Variants in TTLL4 observed in about 807,000 individuals in gnomAD.
The protein encoded by TTLL4 is tubulin tyrosine ligase like 4.
Under a neutral mutation model 122.7 loss-of-function variants are expected in TTLL4, and 85 were observed. That is an observed-to-expected ratio of 0.69 (90% CI 0.58 to 0.83). The LOEUF (loss-of-function observed/expected upper bound fraction) is 0.83, where lower values mean the gene tolerates loss of function less well. Among genes scored for constraint, TTLL4 ranks in the 40% least tolerant of loss-of-function variants. The pLI is 0.00. For synonymous variants in TTLL4, 553 were observed against 563.0 expected (o/e 0.98, Z 0.25); for missense variants, 1,363 against 1,488.6 (o/e 0.92, Z 1.39).
rs1386677291 is a variant in TTLL4, at chr2:218,749,476, T to G, written c.2735+89T>G. 3.3e-6 allele frequency: 5 copies of G among 1,536,152 alleles called. No individual in the cohort carries two copies. In the East Asian group the frequency reaches 9.0e-5, roughly 28 times the overall value. The stretch of plus-strand genomic sequence containing the variant: ...ACTCCAGTAAGTTGTTCTTTTTTTT[T>G]TTTTTTCTTTGAGATGGAGTCTCGC... On this transcript the variant is annotated intron_variant, in intron 14 of 19. Transcript: ENST00000392102.
intron 6 of TTLL4, 106 bp downstream of exon 6, chr2:218,745,339 G>C (rs1193659672): frequency 6.2e-6 from 9 of 1,452,456 alleles, no homozygotes; most frequent in Non-Finnish European, 7.6e-6. Flanking sequence ...CAGAATGGCT[G>C]TTGTGGCAGT....
chr2:218,747,569 A>G lies in TTLL4; in HGVS notation c.2250-28A>G, dbSNP rs745719707. The G allele has an allele frequency of 5.6e-6, 9 of 1,611,862 alleles. No homozygotes were observed. The highest frequency in any genetic ancestry group is 1.7e-5 in the Admixed American group (1 of 59,818). ...CCACTGAGCCCCATCATCTGGCTGT[A>G]TGAGAAGCTGGCCTTTGTCCTATGT... On this transcript the variant is annotated intron_variant, in intron 10 of 19. Coordinates refer to ENST00000392102, the MANE Select transcript of TTLL4 (RefSeq NM_014640.5). This position sits in a 1 kb window ranked among gnomAD's most constrained non-coding sequence, Gnocchi z 4.7.
At chr2:218,750,289 A>G (rs1381696581) in intron 15 of TTLL4, 143 bp downstream of exon 15, 2 of 1,145,346 alleles carry the variant, frequency 1.7e-6, no homozygotes, top group East Asian at 2.6e-5. Flanking sequence ...CTAACATGCT[A>G]CCATGCCACA....
At chr2:218,743,907 A>C (rs1942772771) in intron 5 of TTLL4, among the ~76,000 whole-genome samples, 2 of 152,200 alleles carry the variant, frequency 1.3e-5, no homozygotes, top group South Asian at 4.2e-4. Context: ...TCCAACTCCC[A>C]ACCTCGGGTG....
At chr2:218,737,005 A>G (rs1942542680) in intron 2 of TTLL4, among the ~76,000 whole-genome samples, 1 of 152,094 alleles carries the variant, frequency 6.6e-6, no homozygotes, top group South Asian at 2.1e-4. Context: ...GCACGCCACA[A>G]TGCCTAGCTA....
chr2:218,750,253 C>G, intron 15 of TTLL4, 107 bp downstream of exon 15: 1 of 1,468,390 alleles, frequency 6.8e-7, no homozygotes, highest in Non-Finnish European at 9.1e-7. Flanking sequence ...GTTCCCCTTG[C>G]TGCTCAATCT....
chr2:218,753,778 G>T, intron 19 of TTLL4, 109 bp downstream of exon 19: 1 of 1,228,634 alleles, frequency 8.1e-7, no homozygotes, highest in Non-Finnish European at 1.2e-6. Context: ...TCCAGCTGGG[G>T]GTTGGTGGGA....
downstream of TTLL4, among the ~76,000 whole-genome samples, chr2:218,757,545 G>A (rs1208871461): frequency 6.6e-6 from 1 of 152,144 alleles, no homozygotes; most frequent in Non-Finnish European, 1.5e-5. Flanking sequence ...GGAGAAGCAG[G>A]GTACAGAAAA....
intron 2 of TTLL4, among the ~76,000 whole-genome samples, chr2:218,735,638 G>A (rs1942496571): frequency 1.3e-5 from 2 of 151,644 alleles, no homozygotes; most frequent in South Asian, 2.1e-4. Flanking sequence ...TGATGAGAAT[G>A]TCAGGATTCC....
At chr2:218,734,547 A>C (rs1216232616) in intron 2 of TTLL4, among the ~76,000 whole-genome samples, 1 of 152,172 alleles carries the variant, frequency 6.6e-6, no homozygotes, top group Non-Finnish European at 1.5e-5. Context: ...GTCATGTTGC[A>C]GCTGATTTTT....
At chr2:218,751,539 T>A in intron 15 of TTLL4, 165 bp from the exon 16 acceptor site, 1 of 896,494 alleles carries the variant, frequency 1.1e-6, no homozygotes, top group Non-Finnish European at 1.3e-6. Flanking sequence ...TCAGGTTACT[T>A]CTGGGGAGTG....
At position 218,739,993 on chromosome 2, in the gene TTLL4, T is replaced by C. The variant is rs918123814; in HGVS notation, c.1488-65T>C. ...CAAATACTGGGAGATGATGAAGGAA[T>C]GAGAATCTAACTGTGACCTCTTTGA... is the stretch of plus-strand genomic sequence containing the variant. On this transcript the variant is annotated intron_variant, in intron 3 of 19. Coordinates refer to ENST00000392102, the MANE Select transcript of TTLL4 (RefSeq NM_014640.5). The C allele has an allele frequency of 3.3e-5, 47 of 1,440,320 alleles. No homozygotes were observed. In the African/African-American group the frequency reaches 5.1e-4, roughly 16 times the overall value. The allele number at this position is 1,440,320 out of a possible 1,614,324, so 89.2% of individuals were successfully genotyped here.
At position 218,753,179 on chromosome 2, in the gene TTLL4, TCCAGTGGTGAGTGCTG is replaced by T; in HGVS notation, c.3258+1_3258+16del. ...ACATGGGAGTTGTCTCTGATTCTGC[TCCAGTGGTGAGTGCTG>T]CCAGTGTGGAGGACAGCTCCTTCTC... is the stretch of plus-strand genomic sequence containing the variant. On this transcript the variant is annotated splice_donor_variant and splice_donor_5th_base_variant and coding_sequence_variant and intron_variant, in exon 18 of 20. Coordinates refer to ENST00000392102, the MANE Select transcript of TTLL4 (RefSeq NM_014640.5). LOFTEE classifies it high-confidence loss of function. 1 of 1,614,156 alleles carries T rather than the reference TCCAGTGGTGAGTGCTG, an allele frequency of 6.2e-7. No homozygotes were observed. The highest frequency in any genetic ancestry group is 8.5e-7 in the Non-Finnish European group (1 of 1,180,020).
At chr2:218,721,547 TG>T (rs965309099) in intron 1 of TTLL4, among the ~76,000 whole-genome samples, 8 of 152,326 alleles carry the variant, frequency 5.3e-5, no homozygotes, top group African/African-American at 1.9e-4. Flanking sequence ...TGGTGGCCTC[TG>T]GAGCATTCCT....
chr2:218,753,221 AG>A (rs1181686255), intron 18 of TTLL4, 36 bp downstream of exon 18: 2 of 1,611,358 alleles, frequency 1.2e-6, no homozygotes, highest in Non-Finnish European at 1.7e-6. Flanking sequence ...GCTCCTTCTC[AG>A]GCCCCTCCCT....
At position 218,755,284 on chromosome 2, in the gene TTLL4, G is replaced by A. The variant is rs1024958279; in HGVS notation, c.*895G>A. ...TGCTGTGCAGCAAGCAGGGTCTGGCGGCTTGGTAGGTGGGTTTCAGGAGCA... is the reference window on the plus strand; with the variant it reads ...TGCTGTGCAGCAAGCAGGGTCTGGCAGCTTGGTAGGTGGGTTTCAGGAGCA... On this transcript the variant is annotated 3_prime_UTR_variant, in exon 20 of 20. Transcript: ENST00000392102. 2 of 152,192 alleles carry A rather than the reference G, an allele frequency of 1.3e-5. No individual in the cohort carries two copies. Among genetic ancestry groups the A allele is most frequent in the Admixed American group, 6.5e-5 (1 of 15,268 alleles). The allele number at this position is 152,192 out of a possible 1,614,324, so 9.4% of individuals were successfully genotyped here.
intron 1 of TTLL4, among the ~76,000 whole-genome samples, chr2:218,725,184 C>T (rs1007979335): frequency 6.6e-6 from 1 of 151,898 alleles, no homozygotes; most frequent in African/African-American, 2.4e-5. Flanking sequence ...AAGCATGAGC[C>T]ACTGCGCCCA....
intron 5 of TTLL4, among the ~76,000 whole-genome samples, chr2:218,743,928 C>G (rs1401073450): frequency 1.3e-5 from 2 of 152,222 alleles, no homozygotes; most frequent in African/African-American, 4.8e-5. Context: ...ATCCGCCTGC[C>G]TCAGCCTCCC....
chr2:218,717,922 C>T lies in TTLL4; in HGVS notation c.-178+6885C>T, dbSNP rs778215228. Among the ~76,000 whole-genome samples, 18 of 152,296 alleles carry T rather than the reference C, an allele frequency of 1.2e-4. No individual in the cohort carries two copies. In the South Asian group the frequency reaches 3.7e-3, roughly 32 times the overall value. Reference sequence around the variant, plus strand: ...CAGGCCATTCTCCTGCCTCAGCCTCCCAAGTAGCTGGGACTGCAGGCGTCT... The same window carrying T: ...CAGGCCATTCTCCTGCCTCAGCCTCTCAAGTAGCTGGGACTGCAGGCGTCT... On this transcript the variant is annotated intron_variant, in intron 1 of 19. Coordinates refer to ENST00000392102, the MANE Select transcript of TTLL4 (RefSeq NM_014640.5).
Sources: allele counts gnomAD v4.1 joint callset (sites outside exome capture counted in the v4.1 genomes callset), GRCh38; gene constraint gnomAD v4.1.1; non-coding constraint Gnocchi (gnomAD v3.1); transcripts MANE v1.5; gene names NCBI Gene and HGNC (gene_info 2026-07-23, HGNC 2026-07-21).